VDR: variants seen among roughly 807,000 people sequenced by gnomAD.
VDR encodes the protein vitamin D receptor.
VDR carries 19 observed loss-of-function variants against 39.7 expected under a neutral mutation model. The ratio of observed to expected loss-of-function variants is 0.48; its 90% CI spans 0.33 to 0.70. The LOEUF is 0.70. Ranked by LOEUF, VDR falls within the 30% of genes least tolerant of loss-of-function variation. The pLI, the probability that VDR is intolerant of heterozygous loss-of-function variation, is 0.02. For missense variants in VDR, 442 were observed against 570.5 expected (o/e 0.77, Z 2.29); for synonymous variants, 242 against 215.8 (o/e 1.12, Z -1.07).
chr12:47,904,726 T>G (rs2137262330), intron 1 of VDR: 2 of 1,284,256 alleles, frequency 1.6e-6, no homozygotes, highest in Admixed American at 4.2e-5. Context: ...GCGCCGAGGA[T>G]GTCGCTGCTC....
intron 1 of VDR, among the ~76,000 whole-genome samples, chr12:47,890,809 G>A (rs1946356096): frequency 1.3e-5 from 2 of 152,138 alleles, no homozygotes; most frequent in Non-Finnish European, 2.9e-5. Flanking sequence ...ATGAAAATGG[G>A]AGCCACTGGT....
At position 47,873,284 on chromosome 12, in the gene VDR, C is replaced by T. The variant is rs572694368; in HGVS notation, c.146+5684G>A. Among the ~76,000 whole-genome samples, 18 of 151,694 alleles carry T rather than the reference C, an allele frequency of 1.2e-4. 1 individual carries two copies. The highest frequency in any genetic ancestry group is 4.3e-4 in the African/African-American group (18 of 41,398). On this transcript the variant is annotated intron_variant, in intron 3 of 9. Transcript: ENST00000549336. ...CAGGCCTTGCTTCCCCTTTACCTTC[C>T]GCCATGATTGTAAGTTTCTGAGGCC... is the stretch of plus-strand genomic sequence containing the variant.
rs117742345 is a variant in VDR at position 47,891,660 on chromosome 12, T to A, written c.-83-8886A>T. ...GAGAAGCTGAGCTACAAATCTGGAC[T>A]TTTCCTCCACGTAAAACATAAAGCC... On this transcript the variant is annotated intron_variant, in intron 1 of 9. Coordinates refer to ENST00000549336, the MANE Select transcript of VDR (RefSeq NM_000376.3). 2.9e-4 allele frequency among the ~76,000 whole-genome samples: 44 copies of A among 152,332 alleles called. No homozygotes were observed. The East Asian group carries it at 8.5e-3, about 29-fold the overall frequency.
At chr12:47,848,282 TG>T (rs368316295) in intron 7 of VDR, among the ~76,000 whole-genome samples, 7 of 151,876 alleles carry the variant, frequency 4.6e-5, no homozygotes, top group African/African-American at 1.7e-4. Context: ...CCTCTCATCT[TG>T]GCCTCTCAAA....
At chr12:47,868,072 T>C (rs994885476) in intron 3 of VDR, among the ~76,000 whole-genome samples, 3 of 152,152 alleles carry the variant, frequency 2.0e-5, no homozygotes, top group African/African-American at 7.2e-5. Context: ...TTAAGAAACT[T>C]ACAGGTGAGG....
intron 2 of VDR, among the ~76,000 whole-genome samples, chr12:47,879,680 C>G (rs1368087012): frequency 6.6e-6 from 1 of 152,180 alleles, no homozygotes; most frequent in Non-Finnish European, 1.5e-5. Context: ...AGCCCCAGCT[C>G]CTCACAACCA....
chr12:47,876,260 T>C (rs1341091035), intron 3 of VDR, among the ~76,000 whole-genome samples: 1 of 152,168 alleles, frequency 6.6e-6, no homozygotes, highest in Non-Finnish European at 1.5e-5. Context: ...TTTGTTTATG[T>C]ACATATCAAA....
At chr12:47,900,268 G>A (rs1460379536) in intron 1 of VDR, among the ~76,000 whole-genome samples, 1 of 152,126 alleles carries the variant, frequency 6.6e-6, no homozygotes, top group African/African-American at 2.4e-5. Flanking sequence ...GTAACCTTTG[G>A]GCAGTCCAAG....
chr12:47,886,784 C>A (rs1946264056), intron 1 of VDR, among the ~76,000 whole-genome samples: 2 of 152,210 alleles, frequency 1.3e-5, no homozygotes, highest in African/African-American at 4.8e-5. Context: ...CTAGCCCATG[C>A]TTGAATAATT....
intron 4 of VDR, among the ~76,000 whole-genome samples, chr12:47,861,541 TATC>T: frequency 6.6e-6 from 1 of 152,386 alleles, no homozygotes; most frequent in Non-Finnish European, 1.5e-5. Context: ...GGAAATTTCT[TATC>T]ATTTTTTCAA....
intron 9 of VDR, among the ~76,000 whole-genome samples, chr12:47,845,661 G>T (rs549116186): frequency 6.6e-6 from 1 of 152,272 alleles, no homozygotes; most frequent in East Asian, 1.9e-4. Flanking sequence ...ATAAATTGTT[G>T]CTAAGTGGAT....
chr12:47,887,109 C>T (rs1051978223), intron 1 of VDR, among the ~76,000 whole-genome samples: 3 of 151,792 alleles, frequency 2.0e-5, no homozygotes, highest in African/African-American at 7.3e-5. Context: ...GTCAGGAGTT[C>T]GAGACTAGCC....
At chr12:47,885,747 A>G (rs991519195) in intron 1 of VDR, among the ~76,000 whole-genome samples, 16 of 152,220 alleles carry the variant, frequency 1.1e-4, no homozygotes, top group Non-Finnish European at 4.4e-5. Flanking sequence ...CCCAGGCTAG[A>G]GTGCAGTTGC....
chr12:47,883,685 C>T (rs547678385), intron 1 of VDR, among the ~76,000 whole-genome samples: 17 of 152,308 alleles, frequency 1.1e-4, no homozygotes, highest in African/African-American at 3.8e-4. Context: ...CAGGAGGTGA[C>T]CCTGGCAAAG....
intron 7 of VDR, among the ~76,000 whole-genome samples, chr12:47,854,315 A>G (rs1479393637): frequency 6.6e-6 from 1 of 151,840 alleles, no homozygotes; most frequent in Non-Finnish European, 1.5e-5. Flanking sequence ...TTTGTAGAGA[A>G]GAGGTCTCAC....
intron 7 of VDR, among the ~76,000 whole-genome samples, chr12:47,848,392 T>C (rs1945319974): frequency 6.6e-6 from 1 of 151,962 alleles, no homozygotes. Flanking sequence ...TTCTCCATTT[T>C]GTTTTTCTGG....
chr12:47,850,098 C>T (rs1475844949), intron 7 of VDR, among the ~76,000 whole-genome samples: 1 of 152,194 alleles, frequency 6.6e-6, no homozygotes, highest in South Asian at 2.1e-4. Flanking sequence ...GAGTCCTGCC[C>T]ACCTTGGCCT....
chr12:47,854,310 A>G (rs1461490783), intron 7 of VDR, among the ~76,000 whole-genome samples: 6 of 150,450 alleles, frequency 4.0e-5, no homozygotes, highest in African/African-American at 1.5e-4. Flanking sequence ...TTTTTTTTGT[A>G]GAGAAGAGGT....
intron 3 of VDR, among the ~76,000 whole-genome samples, chr12:47,874,426 A>G (rs772192201): frequency 4.6e-5 from 7 of 152,160 alleles, no homozygotes; most frequent in Non-Finnish European, 8.8e-5. Context: ...TCAGGTTGCT[A>G]GAAGAGCTAC....
Sources: gnomAD v4.1 joint callset for allele counts (sites outside exome capture counted in the v4.1 genomes callset) on GRCh38, gnomAD v4.1.1 for gene constraint, MANE v1.5 for transcripts, NCBI Gene and HGNC (gene_info 2026-07-23, HGNC 2026-07-21) for gene names.